The following KLRC3 variants were observed in gnomAD, a reference collection of about 807,000 sequenced individuals.
The protein encoded by KLRC3 is killer cell lectin like receptor C3, also known as NKG2-E type II integral membrane protein.
A neutral mutation model predicts 23.6 loss-of-function variants in KLRC3; 16 were observed. The ratio of observed to expected loss-of-function variants is 0.68; its 90% CI spans 0.46 to 1.03. The LOEUF (loss-of-function observed/expected upper bound fraction) is 1.03, where lower values mean the gene tolerates loss of function less well. KLRC3 is among the 50% of genes least tolerant of loss of function. The probability of loss-of-function intolerance (pLI) is 0.00; values close to 1 mark genes in which losing one functional copy is unlikely to be tolerated. For synonymous variants in KLRC3, 70 were observed against 71.8 expected, an observed-to-expected ratio of 0.98 and a Z score of 0.13; for missense variants, 209 against 232.2, an observed-to-expected ratio of 0.90 and a Z score of 0.65.
rs1863675921 is a variant in KLRC3, at chr12:10,418,459, T to A, written c.371A>T (p.Tyr124Phe). The part of the protein sequence containing the change: ...CGHCPEEWIT[Y>F]SNSCYYIGKE... ...ACCAATGTAATAACAACTGTTGGAA[T>A]ATGTAATCCACTCCTCAGGACAATG... Residue 124 changes from tyrosine (Y) to phenylalanine (F), a missense_variant, in exon 4 of 7, where the codon TAT becomes TTT. Tyr to Phe is a conservative substitution (Grantham distance 22). Coordinates refer to ENST00000396439, the MANE Select transcript of KLRC3 (RefSeq NM_002261.3). 1.9e-6 allele frequency: 3 copies of A among 1,603,938 alleles called. No homozygotes were observed. The highest frequency in any genetic ancestry group is 1.3e-5 in the African/African-American group (1 of 74,826).
intron 6 of KLRC3, 195 bp downstream of exon 6, chr12:10,415,509 C>G: frequency 2.2e-6 from 2 of 897,644 alleles, no homozygotes; most frequent in Non-Finnish European, 3.2e-6. Flanking sequence ...GACTTAAATG[C>G]GAGGGTATCT....
At chr12:10,419,268 G>C (rs1172771004) in intron 2 of KLRC3, among the ~76,000 whole-genome samples, 180 bp from the exon 3 acceptor site, 1 of 46,698 alleles carries the variant, frequency 2.1e-5, no homozygotes, top group Non-Finnish European at 4.3e-5. Context: ...CATTTTTAAA[G>C]ACTTTAGCAC....
At chr12:10,415,517 T>C in intron 6 of KLRC3, 187 bp downstream of exon 6, 1 of 960,526 alleles carries the variant, frequency 1.0e-6, no homozygotes, top group Non-Finnish European at 1.5e-6. Flanking sequence ...TGCGAGGGTA[T>C]CTGTACTTCC....
At chr12:10,415,930 G>A in intron 5 of KLRC3, 136 bp from the exon 6 acceptor site, 1 of 655,370 alleles carries the variant, frequency 1.5e-6, no homozygotes, top group Non-Finnish European at 2.6e-6. Context: ...ATTACTAAAA[G>A]TCATTATTCT....
At chr12:10,413,961 T>A (rs575405307) in intron 6 of KLRC3, among the ~76,000 whole-genome samples, 11 of 152,264 alleles carry the variant, frequency 7.2e-5, no homozygotes, top group Middle Eastern at 3.4e-3. Flanking sequence ...CATGAACTCA[T>A]CCTTTTTTAT....
intron 4 of KLRC3, 24 bp downstream of exon 4, chr12:10,418,320 A>G (rs186447622): frequency 2.0e-4 from 310 of 1,568,714 alleles, no homozygotes; most frequent in Non-Finnish European, 2.5e-4. Context: ...TTTTCATAAA[A>G]TGTTTGAAAC....
Position 10,418,356 on chromosome 12 carries a change from A to C in KLRC3, c.474T>G (p.Asn158Lys). ...ATTTACATCTTACCATTTCTTCTTCATTATCTATACAAAGCAGACTAGAAG... is the reference window on the plus strand; with the variant it reads ...ATTTACATCTTACCATTTCTTCTTCCTTATCTATACAAAGCAGACTAGAAG... ...KNSSSLLCID[N>K]EEEMKFLASI... is the part of the protein sequence containing the mutation. The change falls in exon 4 of 7, where the codon AAT becomes AAG. Residue 158 changes from asparagine to lysine, a missense_variant. Asn to Lys is a moderately conservative substitution (Grantham distance 94). This residue lies in a region of KLRC3 where 109 missense variants were observed against 113.2 expected (regional missense o/e 0.96). Coordinates refer to ENST00000396439, the MANE Select transcript of KLRC3 (RefSeq NM_002261.3). 6.2e-7 allele frequency: 1 copy of C among 1,604,850 alleles called. No homozygotes were observed. Among genetic ancestry groups the C allele is most frequent in the Non-Finnish European group, 8.5e-7 (1 of 1,174,382 alleles).
chr12:10,414,834 T>C (rs1243572217), intron 6 of KLRC3, among the ~76,000 whole-genome samples: 1 of 151,314 alleles, frequency 6.6e-6, no homozygotes, highest in African/African-American at 2.4e-5. Flanking sequence ...TCCAGAAAAA[T>C]CTGTTTGAAA....
At chr12:10,414,614 G>T (rs890032766) in intron 6 of KLRC3, among the ~76,000 whole-genome samples, 1 of 123,958 alleles carries the variant, frequency 8.1e-6, no homozygotes, top group African/African-American at 3.0e-5. Flanking sequence ...CTGTTGTGGG[G>T]TGGGGGGAGG....
chr12:10,418,307 A>C (rs1223788574), intron 4 of KLRC3, 37 bp downstream of exon 4: 2 of 1,531,738 alleles, frequency 1.3e-6, no homozygotes, highest in South Asian at 1.2e-5. Context: ...CACTGAAAGA[A>C]GCTTTTCATA....
At chr12:10,416,141 C>T (rs550123713) in intron 5 of KLRC3, among the ~76,000 whole-genome samples, 2 of 151,938 alleles carry the variant, frequency 1.3e-5, no homozygotes, top group Non-Finnish European at 2.9e-5. Flanking sequence ...AGCAATATAC[C>T]AACAGCACTA....
intron 6 of KLRC3, among the ~76,000 whole-genome samples, chr12:10,413,035 C>T (rs557444132): frequency 2.2e-4 from 33 of 152,156 alleles, no homozygotes; most frequent in African/African-American, 5.8e-4. Context: ...AATGTAGTAC[C>T]GCTAGCCAAG....
At chr12:10,413,010 C>T (rs997014651) in intron 6 of KLRC3, among the ~76,000 whole-genome samples, 1 of 152,074 alleles carries the variant, frequency 6.6e-6, no homozygotes, top group South Asian at 2.1e-4. Flanking sequence ...TATACTCACA[C>T]GGATACTCAA....
Position 10,416,699 on chromosome 12 carries a change from C to G in KLRC3, c.555G>C (p.Trp185Cys), listed in dbSNP as rs369489446. Residue 185 changes from tryptophan to cysteine, a missense_variant, in exon 5 of 7, where the codon TGG becomes TGC. Around this residue, in one of 4 missense-constraint regions of KLRC3, gnomAD observed 17 missense variants for 39.5 expected, o/e 0.43. Transcript: ENST00000396439. ...GVFRNSSHHP[W>C]VTINGLAFKH... ...TGAAAGCCAAACCATTTATTGTCAC[C>G]CATGGATGATGACTGCTGTTACGAA... is the stretch of plus-strand genomic sequence containing the variant. 6.2e-7 allele frequency: 1 copy of G among 1,610,600 alleles called. No individual in the cohort carries two copies. Among genetic ancestry groups the G allele is most frequent in the African/African-American group, 1.3e-5 (1 of 74,746 alleles).
rs777327457 is a variant in KLRC3, at chr12:10,418,397, A to T, written c.433T>A (p.Cys145Ser). The change falls in exon 4 of 7, where the codon TGT becomes AGT. Residue 145 changes from cysteine (C) to serine (S), a missense_variant. Around this residue, in one of 4 missense-constraint regions of KLRC3, gnomAD observed 109 missense variants for 113.2 expected, o/e 0.96. Transcript: ENST00000396439. ...AGACTAGAAGAGTTCTTTGAAGCAC[A>T]GGCCTGCAAACTCTCTTCCCAAGTT... ...RRTWEESLQA[C>S]ASKNSSSLLC... The T allele has an allele frequency of 6.2e-7, 1 of 1,612,194 alleles. No individual in the cohort carries two copies. Among genetic ancestry groups the T allele is most frequent in the Non-Finnish European group, 8.5e-7 (1 of 1,178,382 alleles).
chr12:10,415,152 G>A (rs1331603531), intron 6 of KLRC3, among the ~76,000 whole-genome samples: 1 of 152,076 alleles, frequency 6.6e-6, no homozygotes, highest in African/African-American at 2.4e-5. Flanking sequence ...AGCAATCCCA[G>A]GACAGTATAT....
Position 10,418,453 on chromosome 12 carries a change from T to C in KLRC3, c.377A>G (p.Asn126Ser). 10 of 1,605,832 alleles carry C rather than the reference T, an allele frequency of 6.2e-6. No homozygotes were observed. The highest frequency in any genetic ancestry group is 4.5e-5 in the East Asian group (2 of 44,782). Residue 126 changes from asparagine to serine, a missense_variant, in exon 4 of 7, where the codon AAC (asparagine) becomes AGC (serine). Asn to Ser is a conservative substitution (Grantham distance 46). Around this residue, in one of 4 missense-constraint regions of KLRC3, gnomAD observed 109 missense variants for 113.2 expected, o/e 0.96. Transcript: ENST00000396439. ...HCPEEWITYS[N>S]SCYYIGKERR... ...TTCCTTACCAATGTAATAACAACTGTTGGAATATGTAATCCACTCCTCAGG... is the reference window on the plus strand; with the variant it reads ...TTCCTTACCAATGTAATAACAACTGCTGGAATATGTAATCCACTCCTCAGG...
At chr12:10,420,269 C>G in intron 1 of KLRC3, 95 bp downstream of exon 1, 1 of 1,343,226 alleles carries the variant, frequency 7.4e-7, no homozygotes, top group Non-Finnish European at 1.0e-6. Flanking sequence ...CTCTGATTCT[C>G]ACAAGTGTAA....
At position 10,415,392 on chromosome 12, in the gene KLRC3, C is replaced by T. The variant is rs114425229; in HGVS notation, c.678+312G>A. On this transcript the variant is annotated intron_variant, in intron 6 of 6. Coordinates refer to ENST00000396439, the MANE Select transcript of KLRC3 (RefSeq NM_002261.3). ...TTAGCAACGCTATTTTATTTTCTGTCTCCATGGTTTTGCTTGTTCTTGATA... is the reference window on the plus strand; with the variant it reads ...TTAGCAACGCTATTTTATTTTCTGTTTCCATGGTTTTGCTTGTTCTTGATA... Among the ~76,000 whole-genome samples, 235 of 152,278 alleles carry T rather than the reference C, an allele frequency of 1.5e-3. 1 individual carries two copies. Among genetic ancestry groups the T allele is most frequent in the African/African-American group, 5.2e-3 (215 of 41,562 alleles).
Sources: gnomAD v4.1 joint callset for allele counts (sites outside exome capture counted in the v4.1 genomes callset) on GRCh38, gnomAD v4.1.1 for gene constraint, gnomAD v4.1.1 regional missense constraint, MANE v1.5 for transcripts, NCBI Gene and HGNC (gene_info 2026-07-23, HGNC 2026-07-21) for gene names.